Variants in CAPN15 observed in about 807,000 individuals in gnomAD.
CAPN15 encodes calpain 15.
A neutral mutation model predicts 97.9 loss-of-function variants in CAPN15; 53 were observed. The observed-to-expected ratio is 0.54, with a 90% CI of 0.43 to 0.68. The LOEUF is 0.68. Among genes scored for constraint, CAPN15 ranks in the 30% least tolerant of loss-of-function variants. CAPN15 has a pLI of 0.00. For missense variants in CAPN15, 1,592 were observed against 1,589.8 expected (o/e 1.00, Z -0.02); for synonymous variants, 922 against 722.5 (o/e 1.28, Z -4.43).
At chr16:542,758 G>A (rs9929716) in intron 3 of CAPN15, among the ~76,000 whole-genome samples, 39,950 of 150,168 alleles carry the variant, frequency 0.27, 7,159 homozygotes, top group African/African-American at 0.51. Context: ...TGGTTAATTA[G>A]AAAAAAAAAA....
In CAPN15 at chr16:552,873, G is replaced by A. The variant is rs1264705573; in HGVS notation, c.2915G>A (p.Gly972Asp). ...CATTCCTGTGCCCAGGGCCGTGAGG[G>A]CATGACCTGCTACTACCTGACACAC... Reference protein sequence around the residue: ...SRGERHEGREGMTCYYLTHGW... With the variant: ...SRGERHEGREDMTCYYLTHGW... The change falls in exon 13 of 14, where the codon GGC (glycine) becomes GAC (aspartate). Residue 972 changes from glycine (G) to aspartate (D), a missense_variant. Physicochemically the swap from Gly to Asp is moderately conservative, Grantham distance 94. Transcript: ENST00000219611. This position sits in a 1 kb window ranked among gnomAD's most constrained non-coding sequence, Gnocchi z 6.4. 3 of 1,605,892 alleles carry A rather than the reference G, an allele frequency of 1.9e-6. No individual in the cohort carries two copies. The highest frequency in any genetic ancestry group is 2.6e-6 in the Non-Finnish European group (3 of 1,175,920).
rs554279489 is a variant in CAPN15, at chr16:553,734, A to G, written c.*218A>G. The G allele has an allele frequency of 2.2e-6, 1 of 456,898 alleles. No individual in the cohort carries two copies. Among genetic ancestry groups the G allele is most frequent in the Non-Finnish European group, 3.9e-6 (1 of 258,632 alleles). The allele number at this position is 456,898 out of a possible 1,614,324, so 28.3% of individuals were successfully genotyped here. A position where few individuals can be genotyped will look rare whatever the true frequency, so the allele number is the denominator to read the frequency against. Reference sequence around the variant, plus strand: ...TGGCCAGGCCTCCTGGCCGCCACGCAGAATACCTCGAACCAGGCGGGCTGT... The same window carrying G: ...TGGCCAGGCCTCCTGGCCGCCACGCGGAATACCTCGAACCAGGCGGGCTGT... On this transcript the variant is annotated 3_prime_UTR_variant, in exon 14 of 14. Coordinates refer to ENST00000219611, the MANE Select transcript of CAPN15 (RefSeq NM_005632.3).
At position 536,031 on chromosome 16, in the gene CAPN15, A is replaced by G. The variant is rs1596324497; in HGVS notation, c.-134A>G. On this transcript the variant is annotated splice_region_variant and 5_prime_UTR_variant, in exon 3 of 14. Coordinates refer to ENST00000219611, the MANE Select transcript of CAPN15 (RefSeq NM_005632.3). ...CCCCCCCCCCCCCGGTTATTCAGACAGGGAGCCAGGATGGGAACCACGGAC... is the reference window on the plus strand; with the variant it reads ...CCCCCCCCCCCCCGGTTATTCAGACGGGGAGCCAGGATGGGAACCACGGAC... The G allele has an allele frequency of 4.9e-5, 7 of 142,598 alleles. No homozygotes were observed. Among genetic ancestry groups the G allele is most frequent in the Non-Finnish European group, 7.3e-5 (7 of 95,340 alleles). The allele number at this position is 142,598 out of a possible 1,614,324, so 8.8% of individuals were successfully genotyped here. A position where few individuals can be genotyped will look rare whatever the true frequency, so the allele number is the denominator to read the frequency against.
chr16:550,879 CTGTCGGTGAGGTCCCT>C (rs2034983088), intron 7 of CAPN15, among the ~76,000 whole-genome samples: 11 of 113,298 alleles, frequency 9.7e-5, no homozygotes, highest in Non-Finnish European at 1.5e-4. Flanking sequence ...TGAGGGTCCC[CTGTCGGTGAGGTCCCT>C]GGTCGGTGAG....
Position 536,923 on chromosome 16 carries a change from C to T in CAPN15, c.-23+781C>T, listed in dbSNP as rs567833125. 16 of 155,588 alleles carry T rather than the reference C, an allele frequency of 1.0e-4. No homozygotes were observed. In the South Asian group the frequency reaches 1.4e-3, roughly 14 times the overall value. 9.6% of individuals were successfully genotyped at this position (155,588 alleles called of 1,614,324 possible). ...TGGCACGTGGCTGGCAGCTGTGTCC[C>T]GGGAGCTCTTGCTCCTTAGTGGGCC... is the stretch of plus-strand genomic sequence containing the variant. On this transcript the variant is annotated intron_variant, in intron 3 of 13. Transcript: ENST00000219611.
In CAPN15 at chr16:552,786, CG is replaced by C; in HGVS notation, c.2904+20del. 7.1e-7 allele frequency: 1 copy of C among 1,415,666 alleles called. No homozygotes were observed. The highest frequency in any genetic ancestry group is 1.2e-5 in the South Asian group (1 of 80,710). 87.7% of individuals were successfully genotyped at this position (1,415,666 alleles called of 1,614,324 possible). On this transcript the variant is annotated intron_variant, in intron 12 of 13. Transcript: ENST00000219611. The surrounding 1 kb of genome is among the most constrained non-coding windows in gnomAD (Gnocchi z 6.4). ...AGCGGCACGAGGTGGGTGGGGGTCC[CG>C]GGGGAGGGTGGCGTGGGGCAGGGGG...
chr16:532,622 G>A lies in CAPN15; in HGVS notation c.-189-1324G>A, dbSNP rs529172090. ...TCCCAGCACTTTGGGAGGTCAAGGC[G>A]GGTGGATCACCTGAGGTCAGGAGAT... On this transcript the variant is annotated intron_variant, in intron 1 of 13. Coordinates refer to ENST00000219611, the MANE Select transcript of CAPN15 (RefSeq NM_005632.3). 2.3e-4 allele frequency among the ~76,000 whole-genome samples: 35 copies of A among 151,876 alleles called. No homozygotes were observed. In the South Asian group the frequency reaches 6.9e-3, roughly 30 times the overall value.
Position 552,825 on chromosome 16 carries a change from C to T in CAPN15, c.2905-38C>T, listed in dbSNP as rs754508667. 1.8e-5 allele frequency: 28 copies of T among 1,563,526 alleles called. No individual in the cohort carries two copies. Among genetic ancestry groups the T allele is most frequent in the Non-Finnish European group, 2.3e-5 (26 of 1,151,936 alleles). On this transcript the variant is annotated intron_variant, in intron 12 of 13. Transcript: ENST00000219611. The surrounding 1 kb of genome is among the most constrained non-coding windows in gnomAD (Gnocchi z 6.4). ...GTGGGGCAGGGGGAGTATGCCCCAG[C>T]ACCTCCCCTGCCCCACAACTGCCAT...
chr16:550,321 C>T (rs2034900601), intron 7 of CAPN15, among the ~76,000 whole-genome samples: 1 of 152,214 alleles, frequency 6.6e-6, no homozygotes, highest in Non-Finnish European at 1.5e-5. Flanking sequence ...CCACCCCCCA[C>T]CCGCCCGGGA....
chr16:548,531 A>C (rs965512017), intron 4 of CAPN15, among the ~76,000 whole-genome samples: 2 of 151,890 alleles, frequency 1.3e-5, no homozygotes, highest in Non-Finnish European at 2.9e-5. Context: ...TCAACCCTCC[A>C]CCGTGGCCAG....
chr16:540,343 C>T (rs918822139), intron 3 of CAPN15: 5 of 985,436 alleles, frequency 5.1e-6, no homozygotes, highest in Non-Finnish European at 6.0e-6. Flanking sequence ...CAGCCGGCAG[C>T]ACCAGCCCCC....
At chr16:534,193 T>G (rs2033498864) in intron 2 of CAPN15, among the ~76,000 whole-genome samples, 195 bp downstream of exon 2, 9 of 152,380 alleles carry the variant, frequency 5.9e-5, no homozygotes, top group South Asian at 2.1e-4. Context: ...CGTGGTCCTG[T>G]CGTGGGAGGC....
At chr16:543,660 G>A (rs1006869973) in intron 3 of CAPN15, among the ~76,000 whole-genome samples, 1 of 152,192 alleles carries the variant, frequency 6.6e-6, no homozygotes, top group East Asian at 1.9e-4. Flanking sequence ...GAGACCCCCA[G>A]GCTAGAGATG....
chr16:530,922 C>G (rs888442221), intron 1 of CAPN15, among the ~76,000 whole-genome samples: 2 of 152,244 alleles, frequency 1.3e-5, no homozygotes, highest in Non-Finnish European at 2.9e-5. Flanking sequence ...TGAGTCCCGT[C>G]GGGTCATGGG....
Position 549,609 on chromosome 16 carries a change from C to A in CAPN15, c.1843-6C>A. On this transcript the variant is annotated splice_region_variant and splice_polypyrimidine_tract_variant and intron_variant, in intron 6 of 13. Transcript: ENST00000219611. ...CGGGGGTGGCCTCTGACCCGGCCCT[C>A]TGCAGGCGCAGCGGAAGCAGCTGTG... 6.5e-7 allele frequency: 1 copy of A among 1,536,370 alleles called. No individual in the cohort carries two copies. The highest frequency in any genetic ancestry group is 1.2e-5 in the South Asian group (1 of 84,318).
In CAPN15 at chr16:548,054, G is replaced by T. The variant is rs754615150; in HGVS notation, c.1216G>T (p.Ala406Ser). 1 of 1,550,848 alleles carries T rather than the reference G, an allele frequency of 6.4e-7. No individual in the cohort carries two copies. The highest frequency in any genetic ancestry group is 1.9e-5 in the Admixed American group (1 of 53,178). ...CGRVSSAQKA[A>S]RVLPERPGQW... The stretch of plus-strand genomic sequence containing the variant: ...ACGGGTGTCCTCGGCCCAGAAGGCC[G>T]CCCGCGTCCTGCCCGAGCGCCCGGG... The change falls in exon 4 of 14, where the codon GCC becomes TCC. Residue 406 changes from alanine (A) to serine (S), a missense_variant. Coordinates refer to ENST00000219611, the MANE Select transcript of CAPN15 (RefSeq NM_005632.3).
In CAPN15 at chr16:552,945, C is replaced by G; in HGVS notation, c.2987C>G (p.Ala996Gly). The change falls in exon 13 of 14, where the codon GCC becomes GGC. Residue 996 changes from alanine (A) to glycine (G), a missense_variant. Physicochemically the swap from Ala to Gly is moderately conservative, Grantham distance 60. Around this residue, in one of 3 missense-constraint regions of CAPN15, gnomAD observed 644 missense variants for 699.6 expected, o/e 0.92. Coordinates refer to ENST00000219611, the MANE Select transcript of CAPN15 (RefSeq NM_005632.3). The surrounding 1 kb of genome is among the most constrained non-coding windows in gnomAD (Gnocchi z 6.4). ...IVVVENRHPKAYLHVQCDCTD... is the reference protein window; with the variant it reads ...IVVVENRHPKGYLHVQCDCTD... ...GTGGTGGAGAACCGACACCCCAAGG[C>G]CTACCTGCACGTGCAGTGTGACTGC... 1 of 1,611,998 alleles carries G rather than the reference C, an allele frequency of 6.2e-7. No individual in the cohort carries two copies.
intron 3 of CAPN15, among the ~76,000 whole-genome samples, chr16:542,575 T>C (rs2034195618): frequency 6.6e-6 from 1 of 152,182 alleles, no homozygotes; most frequent in Admixed American, 6.5e-5. Context: ...TGCCTGTCTT[T>C]TTTTCATTCA....
At chr16:548,769 ACACGTCC>A (rs1369065669) in intron 4 of CAPN15, among the ~76,000 whole-genome samples, 2 of 152,334 alleles carry the variant, frequency 1.3e-5, no homozygotes, top group East Asian at 3.9e-4. Flanking sequence ...CCCTGGGCCC[ACACGTCC>A]CCTGCTCCTC....
Sources: allele counts gnomAD v4.1 joint callset (sites outside exome capture counted in the v4.1 genomes callset), GRCh38; gene constraint gnomAD v4.1.1; regional missense constraint gnomAD v4.1.1; non-coding constraint Gnocchi (gnomAD v3.1); transcripts MANE v1.5; gene names NCBI Gene and HGNC (gene_info 2026-07-23, HGNC 2026-07-21).